Variants in DOCK1 observed in about 807,000 individuals in gnomAD.
DOCK1 encodes the protein dedicator of cytokinesis 1, also known as dedicator of cytokinesis protein 1.
DOCK1 carries 138 observed loss-of-function variants against 262.7 expected under a neutral mutation model. The ratio of observed to expected loss-of-function variants is 0.53; its 90% CI spans 0.46 to 0.61. The LOEUF is 0.61. DOCK1 is among the 20% of genes least tolerant of loss of function. The pLI is 0.00. For missense variants in DOCK1, 1,908 were observed against 2,370.7 expected (o/e 0.80, Z 4.05); for synonymous variants, 866 against 867.4 (o/e 1.00, Z 0.03).
chr10:127,151,366 T>C (rs1283080899), intron 27 of DOCK1, among the ~76,000 whole-genome samples: 1 of 152,168 alleles, frequency 6.6e-6, no homozygotes, highest in Non-Finnish European at 1.5e-5. Flanking sequence ...GAAATATTAC[T>C]CTGCAGACTG....
Position 127,128,472 on chromosome 10 carries a change from A to G in DOCK1, c.2847+708A>G, listed in dbSNP as rs141304728. Among the ~76,000 whole-genome samples the G allele has an allele frequency of 5.8e-3, 877 of 150,660 alleles. 2 individuals are homozygous for G. The highest frequency in any genetic ancestry group is 0.011 in the African/African-American group (461 of 40,920). ...TGTGCCATGGTGGTCTGCTGCACCT[A>G]TCAACCCATCATCTAGGTTTTAAGC... On this transcript the variant is annotated intron_variant, in intron 27 of 51. Coordinates refer to ENST00000623213, the MANE Select transcript of DOCK1 (RefSeq NM_001290223.2).
chr10:127,355,047 A>G (rs2064075198), intron 32 of DOCK1, among the ~76,000 whole-genome samples: 1 of 152,150 alleles, frequency 6.6e-6, no homozygotes, highest in African/African-American at 2.4e-5. Context: ...TCTGCGTCAA[A>G]TAGGAAGCTC....
At chr10:126,944,892 G>T (rs921472706) in intron 1 of DOCK1, among the ~76,000 whole-genome samples, 1 of 152,188 alleles carries the variant, frequency 6.6e-6, no homozygotes, top group Non-Finnish European at 1.5e-5. Flanking sequence ...AGGCTGGAGT[G>T]CAGTGGCAGA....
chr10:127,026,537 C>A, intron 16 of DOCK1, 113 bp downstream of exon 16: 5 of 925,670 alleles, frequency 5.4e-6, no homozygotes, highest in Non-Finnish European at 8.4e-6. Context: ...CAATAAGGCT[C>A]ATTTCCCACC....
chr10:127,283,643 C>A (rs1335172028), intron 29 of DOCK1, among the ~76,000 whole-genome samples: 2 of 152,216 alleles, frequency 1.3e-5, no homozygotes, highest in Non-Finnish European at 2.9e-5. Context: ...GTAATATCAT[C>A]TGTGTACTGC....
At chr10:127,421,987 T>A (rs1248795756) in intron 46 of DOCK1, among the ~76,000 whole-genome samples, 2 of 152,080 alleles carry the variant, frequency 1.3e-5, no homozygotes, top group Non-Finnish European at 2.9e-5. Context: ...TCCCATAGTT[T>A]GGGGTATATA....
chr10:127,066,739 TC>T (rs980453938), intron 23 of DOCK1, among the ~76,000 whole-genome samples: 1 of 152,252 alleles, frequency 6.6e-6, no homozygotes, highest in African/African-American at 2.4e-5. Context: ...CGCCTGCTGT[TC>T]AACGTGCTTT....
chr10:127,415,936 C>G, intron 44 of DOCK1, among the ~76,000 whole-genome samples: 1 of 152,240 alleles, frequency 6.6e-6, no homozygotes, highest in East Asian at 1.9e-4. Flanking sequence ...GTTCATGTGT[C>G]TCAGTGCCTT....
At chr10:127,253,938 G>A (rs999897393) in intron 28 of DOCK1, among the ~76,000 whole-genome samples, 39 of 148,960 alleles carry the variant, frequency 2.6e-4, no homozygotes, top group Admixed American at 4.0e-4. Flanking sequence ...TTGAAAGCAC[G>A]TTGGCATATT....
intron 19 of DOCK1, among the ~76,000 whole-genome samples, chr10:127,040,057 C>T (rs1042949773): frequency 1.3e-5 from 2 of 152,162 alleles, no homozygotes; most frequent in Non-Finnish European, 2.9e-5. Context: ...GTGCCACTGA[C>T]CATGTCATGT....
chr10:126,949,121 C>T (rs1008364524), intron 1 of DOCK1, among the ~76,000 whole-genome samples: 1,905 of 152,214 alleles, frequency 0.013, 18 homozygotes, highest in Middle Eastern at 0.037. Flanking sequence ...CCCTTGCTGC[C>T]TGCCTGGCAC....
chr10:126,979,609 T>C (rs9794336), intron 3 of DOCK1, among the ~76,000 whole-genome samples: 8,605 of 152,222 alleles, frequency 0.057, 265 homozygotes, highest in Middle Eastern at 0.11. Context: ...CAATGCCTCC[T>C]GAAACCACAG....
intron 33 of DOCK1, among the ~76,000 whole-genome samples, chr10:127,362,837 A>ACACATGCACATCCC: frequency 1.2e-4 from 1 of 8,580 alleles, no homozygotes; most frequent in Non-Finnish European, 2.2e-4. Flanking sequence ...ACCCACACAT[A>ACACATGCACATCCC]CACACACACA....
Position 126,998,114 on chromosome 10 carries a change from T to C in DOCK1, c.632T>C (p.Ile211Thr), listed in dbSNP as rs769983959. 2 of 1,613,934 alleles carry C rather than the reference T, an allele frequency of 1.2e-6. No homozygotes were observed. The highest frequency in any genetic ancestry group is 1.3e-5 in the African/African-American group (1 of 74,942). ...EEKSQKQNID[I>T]NRQAKFAATP... ...CAGTCTCAAAAGCAGAACATAGATATTAACAGACAAGCCAAGTTTGCTGCA... is the reference window on the plus strand; with the variant it reads ...CAGTCTCAAAAGCAGAACATAGATACTAACAGACAAGCCAAGTTTGCTGCA... The change falls in exon 8 of 52, where the codon ATT becomes ACT. Residue 211 changes from isoleucine (I) to threonine (T), a missense_variant. Ile to Thr is a moderately conservative substitution (Grantham distance 89). Around this residue, in one of 9 missense-constraint regions of DOCK1, gnomAD observed 227 missense variants for 254.1 expected, o/e 0.89. Transcript: ENST00000623213.
chr10:127,010,707 C>T (rs1372285370), intron 11 of DOCK1, among the ~76,000 whole-genome samples: 1 of 152,158 alleles, frequency 6.6e-6, no homozygotes, highest in Non-Finnish European at 1.5e-5. Context: ...CCTTAGCAAA[C>T]AAGGGGAACA....
At chr10:127,239,680 C>T (rs558506651) in intron 27 of DOCK1, among the ~76,000 whole-genome samples, 141 of 152,120 alleles carry the variant, frequency 9.3e-4, no homozygotes, top group Middle Eastern at 3.4e-3. Context: ...GACCGAGTTA[C>T]GCTCGTTTCT....
intron 2 of DOCK1, among the ~76,000 whole-genome samples, chr10:126,975,062 T>G (rs1193392913): frequency 6.6e-6 from 1 of 152,108 alleles, no homozygotes; most frequent in Non-Finnish European, 1.5e-5. Context: ...TTTGCCTGTG[T>G]TCTCGTGCTG....
intron 23 of DOCK1, among the ~76,000 whole-genome samples, chr10:127,095,533 T>C (rs576551145): frequency 2.2e-4 from 33 of 152,330 alleles, no homozygotes; most frequent in Admixed American, 1.6e-3. Flanking sequence ...AAAACGGTCA[T>C]TGCTGCATGG....
At chr10:127,347,007 C>T (rs541676892) in intron 31 of DOCK1, among the ~76,000 whole-genome samples, 9 of 152,336 alleles carry the variant, frequency 5.9e-5, no homozygotes, top group African/African-American at 1.7e-4. Context: ...CTTCAGGCCA[C>T]GCGGCACACA....
Sources: allele counts gnomAD v4.1 joint callset (sites outside exome capture counted in the v4.1 genomes callset), GRCh38; gene constraint gnomAD v4.1.1; regional missense constraint gnomAD v4.1.1; transcripts MANE v1.5; gene names NCBI Gene and HGNC (gene_info 2026-07-23, HGNC 2026-07-21).